The following PDGFRA variants were observed in gnomAD, a reference collection of about 807,000 sequenced individuals.
PDGFRA encodes the protein platelet derived growth factor receptor alpha.
In PDGFRA, 25 loss-of-function variants were observed where a neutral mutation model predicts 121.5. The observed-to-expected ratio is 0.21, with a 90% CI of 0.15 to 0.29. The LOEUF (loss-of-function observed/expected upper bound fraction) is 0.29. Ranked by LOEUF, PDGFRA falls within the 10% of genes least tolerant of loss-of-function variation. The pLI is 1.00. For synonymous variants in PDGFRA, 463 were observed against 494.8 expected, an observed-to-expected ratio of 0.94 and a Z score of 0.85; for missense variants, 1,008 against 1,345.1, an observed-to-expected ratio of 0.75 and a Z score of 3.92.
chr4:54,230,978 G>C (rs1019699165), intron 1 of PDGFRA, among the ~76,000 whole-genome samples: 1 of 152,244 alleles, frequency 6.6e-6, no homozygotes, highest in East Asian at 1.9e-4. Flanking sequence ...CCCAACCCGA[G>C]TACGTTGCCA....
chr4:54,294,679 A>G (rs1395559031), intron 22 of PDGFRA, among the ~76,000 whole-genome samples: 2 of 152,072 alleles, frequency 1.3e-5, no homozygotes, highest in Admixed American at 1.3e-4. Context: ...GGAAGAGGGC[A>G]TTCCAGGCAA....
At chr4:54,258,610 C>T (rs1437596829) in intron 1 of PDGFRA, 147 bp from the exon 2 acceptor site, 11 of 700,056 alleles carry the variant, frequency 1.6e-5, no homozygotes, top group Non-Finnish European at 2.6e-5. Context: ...AGGCGTCTTA[C>T]TGTTTGAACC....
At chr4:54,230,903 T>C (rs1720624079) in intron 1 of PDGFRA, among the ~76,000 whole-genome samples, 1 of 152,166 alleles carries the variant, frequency 6.6e-6, no homozygotes, top group South Asian at 2.1e-4. Flanking sequence ...CATTTGGCAT[T>C]GAATATGTGG....
At chr4:54,293,279 T>G (rs933091978) in intron 22 of PDGFRA, among the ~76,000 whole-genome samples, 3 of 152,118 alleles carry the variant, frequency 2.0e-5, no homozygotes, top group Non-Finnish European at 4.4e-5. Flanking sequence ...AAACTGGTAG[T>G]TAGTCTAGGA....
chr4:54,241,159 C>T (rs1348277137), intron 1 of PDGFRA, among the ~76,000 whole-genome samples: 1 of 152,074 alleles, frequency 6.6e-6, no homozygotes, highest in Non-Finnish European at 1.5e-5. Flanking sequence ...AAAATAAATT[C>T]TTTTTGGCCA....
intron 1 of PDGFRA, among the ~76,000 whole-genome samples, chr4:54,242,491 T>G (rs141123636): frequency 6.9e-4 from 105 of 152,280 alleles, no homozygotes; most frequent in African/African-American, 2.4e-3. Flanking sequence ...TTAAAGGACC[T>G]CTATAGTTAT....
At chr4:54,250,866 A>G in intron 1 of PDGFRA, among the ~76,000 whole-genome samples, 1 of 152,024 alleles carries the variant, frequency 6.6e-6, no homozygotes, top group East Asian at 1.9e-4. Flanking sequence ...GGAGTTCAAG[A>G]CTAGCTTGGC....
chr4:54,272,018 C>G lies in PDGFRA; in HGVS notation c.1238-376C>G, dbSNP rs1204906057. ...CCCCTCCCCCCCTCCCCTCCCCTTC[C>G]CTTCCCTTCCCATTTTTCTTCTCAC... On this transcript the variant is annotated intron_variant, in intron 8 of 22. Transcript: ENST00000257290. Among the ~76,000 whole-genome samples, 305 of 106,090 alleles carry G rather than the reference C, an allele frequency of 2.9e-3. 5 individuals carry two copies. The highest frequency in any genetic ancestry group is 0.011 in the African/African-American group (290 of 27,086). The allele number at this position is 106,090 out of a possible 152,430, so 69.6% of individuals were successfully genotyped here.
chr4:54,278,304 C>A (rs2110314111), intron 14 of PDGFRA, 58 bp from the exon 15 acceptor site: 2 of 1,362,988 alleles, frequency 1.5e-6, no homozygotes, highest in Non-Finnish European at 2.1e-6. Context: ...CAGGACAATT[C>A]ATGGCTTTTC....
intron 7 of PDGFRA, 131 bp from the exon 8 acceptor site, chr4:54,270,502 A>T: frequency 1.5e-6 from 1 of 655,798 alleles, no homozygotes; most frequent in Non-Finnish European, 2.8e-6. Context: ...AGAAGAGATG[A>T]TATGGACAAG....
At chr4:54,278,895 A>G (rs1286564811) in intron 15 of PDGFRA, 1 of 467,898 alleles carries the variant, frequency 2.1e-6, no homozygotes, top group Non-Finnish European at 4.3e-6. Context: ...TCCTTGCTGA[A>G]CCTGGACCTA....
intron 1 of PDGFRA, among the ~76,000 whole-genome samples, chr4:54,254,282 C>T (rs185257239): frequency 1.3e-5 from 2 of 152,340 alleles, no homozygotes; most frequent in Non-Finnish European, 2.9e-5. Context: ...TGACATGAAA[C>T]TTCACAAACA....
chr4:54,265,879 G>A (rs1723003095), intron 5 of PDGFRA, among the ~76,000 whole-genome samples: 1 of 152,152 alleles, frequency 6.6e-6, no homozygotes, highest in Non-Finnish European at 1.5e-5. Flanking sequence ...GTAAATTTCT[G>A]CTCCCTGTTC....
intron 15 of PDGFRA, 88 bp downstream of exon 15, chr4:54,278,603 G>A (rs1723892892): frequency 1.5e-6 from 2 of 1,332,446 alleles, no homozygotes; most frequent in East Asian, 2.3e-5. Context: ...TATCATGTCT[G>A]CAGATTCAGT....
rs2110265323 is a variant in PDGFRA at position 54,267,413 on chromosome 4, C to A, written c.884C>A (p.Ala295Asp). 1 of 1,614,180 alleles carries A rather than the reference C, an allele frequency of 6.2e-7. No homozygotes were observed. The highest frequency in any genetic ancestry group is 8.5e-7 in the Non-Finnish European group (1 of 1,180,024). Reference protein sequence around the residue: ...SGDYECAARQATREVKEMKKV... With the variant: ...SGDYECAARQDTREVKEMKKV... ...GATTACGAATGTGCTGCCCGCCAGG[C>A]TACCAGGGAGGTCAAAGAAATGAAG... Residue 295 changes from alanine (A) to aspartate (D), a missense_variant, in exon 6 of 23, where the codon GCT (alanine) becomes GAT (aspartate). This residue lies in a region of PDGFRA where 575 missense variants were observed against 701.8 expected (regional missense o/e 0.82). Coordinates refer to ENST00000257290, the MANE Select transcript of PDGFRA (RefSeq NM_006206.6).
intron 3 of PDGFRA, among the ~76,000 whole-genome samples, chr4:54,261,898 CATATATATATATATATAT>C (rs397880252): frequency 2.5e-4 from 24 of 95,312 alleles, no homozygotes; most frequent in African/African-American, 9.3e-4. Flanking sequence ...AAAAAAGTTA[CATATATATATATATATAT>C]ATATATATAT....
At chr4:54,272,617 A>G in intron 9 of PDGFRA, 97 bp downstream of exon 9, 7 of 1,417,444 alleles carry the variant, frequency 4.9e-6, no homozygotes, top group Non-Finnish European at 5.9e-6. Flanking sequence ...ACTATAAGAT[A>G]GGGTTTTGGG....
At chr4:54,272,649 A>T in intron 9 of PDGFRA, 129 bp downstream of exon 9, 1 of 974,492 alleles carries the variant, frequency 1.0e-6, no homozygotes, top group Non-Finnish European at 1.6e-6. Flanking sequence ...CAGGGTGTGT[A>T]TCTTTTGTCA....
chr4:54,296,848 T>A lies in PDGFRA; in HGVS notation c.*1576T>A, dbSNP rs1370765856. The A allele has an allele frequency of 8.6e-6, 2 of 232,918 alleles. No homozygotes were observed. Among genetic ancestry groups the A allele is most frequent in the African/African-American group, 2.2e-5 (1 of 45,330 alleles). The allele number at this position is 232,918 out of a possible 1,614,324, so 14.4% of individuals were successfully genotyped here. A position where few individuals can be genotyped will look rare whatever the true frequency, so the allele number is the denominator to read the frequency against. On this transcript the variant is annotated 3_prime_UTR_variant, in exon 23 of 23. Coordinates refer to ENST00000257290, the MANE Select transcript of PDGFRA (RefSeq NM_006206.6). ...TTCAGGTTAGTGACATTTAATGCCA[T>A]CTAGCTAGCAATTGCGACCTTAATT...
Sources: gnomAD v4.1 joint callset for allele counts (sites outside exome capture counted in the v4.1 genomes callset) on GRCh38, gnomAD v4.1.1 for gene constraint, gnomAD v4.1.1 regional missense constraint, MANE v1.5 for transcripts, NCBI Gene and HGNC (gene_info 2026-07-23, HGNC 2026-07-21) for gene names.